B3GALT1: variants seen among roughly 807,000 people sequenced by gnomAD.
B3GALT1 encodes beta-1,3-galactosyltransferase 1.
In B3GALT1, 10 loss-of-function variants were observed where a neutral mutation model predicts 23.2. That is an observed-to-expected ratio of 0.43 (90% CI 0.27 to 0.73). B3GALT1 has a LOEUF of 0.73. B3GALT1 is among the 30% of genes least tolerant of loss of function. The probability of loss-of-function intolerance (pLI) is 0.21; values close to 1 mark genes in which losing one functional copy is unlikely to be tolerated. For missense variants in B3GALT1, 299 were observed against 405.4 expected, an observed-to-expected ratio of 0.74 and a Z score of 2.25; for synonymous variants, 156 against 141.5, an observed-to-expected ratio of 1.10 and a Z score of -0.73.
chr2:167,557,214 CA>C (rs550940849), intron 2 of B3GALT1, among the ~76,000 whole-genome samples: 32 of 151,864 alleles, frequency 2.1e-4, no homozygotes, highest in African/African-American at 7.0e-4. Context: ...GTTGTGTGAT[CA>C]AAGACATTTT....
intron 4 of B3GALT1, among the ~76,000 whole-genome samples, chr2:167,849,237 A>C (rs1689821949): frequency 6.6e-6 from 1 of 152,216 alleles, no homozygotes; most frequent in Non-Finnish European, 1.5e-5. Context: ...CAATTCTAAA[A>C]TTCATATGGA....
chr2:167,454,800 T>TCAAG (rs1699144671), intron 1 of B3GALT1, among the ~76,000 whole-genome samples: 1 of 152,134 alleles, frequency 6.6e-6, no homozygotes, highest in African/African-American at 2.4e-5. Context: ...TATGAGAAAA[T>TCAAG]CAAGGTCAAT....
At chr2:167,831,175 C>T (rs1375887930) in intron 4 of B3GALT1, among the ~76,000 whole-genome samples, 1 of 152,218 alleles carries the variant, frequency 6.6e-6, no homozygotes, top group Non-Finnish European at 1.5e-5. Flanking sequence ...ACTGCTGTCC[C>T]TCTCCTGTCT....
intron 1 of B3GALT1, among the ~76,000 whole-genome samples, chr2:167,371,417 T>C (rs1399293685): frequency 6.6e-6 from 1 of 152,150 alleles, no homozygotes; most frequent in Non-Finnish European, 1.5e-5. Flanking sequence ...AGTAGTAATG[T>C]GATGAAATAG....
chr2:167,678,086 C>T (rs1686459822), intron 3 of B3GALT1, among the ~76,000 whole-genome samples: 1 of 152,094 alleles, frequency 6.6e-6, no homozygotes, highest in South Asian at 2.1e-4. Flanking sequence ...AACCATATCA[C>T]CCCCCTTATC....
chr2:167,642,838 A>G (rs1225991331), intron 2 of B3GALT1, among the ~76,000 whole-genome samples: 1 of 152,178 alleles, frequency 6.6e-6, no homozygotes, highest in Non-Finnish European at 1.5e-5. Flanking sequence ...TATTCCCAGC[A>G]CTTAAAACAT....
intron 1 of B3GALT1, among the ~76,000 whole-genome samples, chr2:167,481,581 C>A (rs748759662): frequency 2.6e-5 from 4 of 152,298 alleles, no homozygotes; most frequent in African/African-American, 9.6e-5. Context: ...AAACATGATT[C>A]ATTTATATAT....
At chr2:167,561,124 C>G (rs1344068347) in intron 2 of B3GALT1, among the ~76,000 whole-genome samples, 1 of 152,198 alleles carries the variant, frequency 6.6e-6, no homozygotes, top group Non-Finnish European at 1.5e-5. Context: ...ACAGTGCTAT[C>G]AAACTAGAGC....
chr2:167,801,327 GA>G (rs1191981003), intron 3 of B3GALT1, among the ~76,000 whole-genome samples: 2 of 151,768 alleles, frequency 1.3e-5, no homozygotes, highest in Admixed American at 6.6e-5. Context: ...GGAGATGGAA[GA>G]AAAAAAATGT....
At chr2:167,528,290 C>CTT (rs939504896) in intron 2 of B3GALT1, among the ~76,000 whole-genome samples, 1 of 152,170 alleles carries the variant, frequency 6.6e-6, no homozygotes, top group Non-Finnish European at 1.5e-5. Context: ...ATGTCAGAGA[C>CTT]TTTGCATTTT....
chr2:167,408,967 G>A (rs949274257), intron 1 of B3GALT1, among the ~76,000 whole-genome samples: 1 of 152,130 alleles, frequency 6.6e-6, no homozygotes, highest in Non-Finnish European at 1.5e-5. Context: ...TACAGATTCA[G>A]TGCATTCTCT....
intron 3 of B3GALT1, among the ~76,000 whole-genome samples, chr2:167,668,531 G>T (rs542065964): frequency 6.6e-6 from 1 of 152,128 alleles, no homozygotes; most frequent in Admixed American, 6.5e-5. Flanking sequence ...GGGCAATGGC[G>T]GGCACCCCTC....
chr2:167,768,499 A>G (rs993868479), intron 3 of B3GALT1, among the ~76,000 whole-genome samples: 1 of 152,216 alleles, frequency 6.6e-6, no homozygotes, highest in African/African-American at 2.4e-5. Context: ...GTTAACTTGC[A>G]TGGCATATCC....
chr2:167,331,339 G>C lies in B3GALT1; in HGVS notation c.-511+38005G>C, dbSNP rs184387056. The stretch of plus-strand genomic sequence containing the variant: ...TCTTGAGCCTCCAGGTGGCTTGCTT[G>C]GGTGCTGGGGATGATGGCAGCAGTG... On this transcript the variant is annotated intron_variant, in intron 1 of 4. Coordinates refer to ENST00000392690, the MANE Select transcript of B3GALT1 (RefSeq NM_020981.4). 2.6e-5 allele frequency among the ~76,000 whole-genome samples: 4 copies of C among 152,282 alleles called. No individual in the cohort carries two copies. In the East Asian group the frequency reaches 7.7e-4, roughly 29 times the overall value.
chr2:167,634,477 A>T (rs188124607), intron 2 of B3GALT1, among the ~76,000 whole-genome samples: 1 of 152,154 alleles, frequency 6.6e-6, no homozygotes, highest in African/African-American at 2.4e-5. Context: ...AAGAAAAGAG[A>T]GAAGAATCAA....
chr2:167,571,124 G>A (rs1401863699), intron 2 of B3GALT1, among the ~76,000 whole-genome samples: 2 of 151,890 alleles, frequency 1.3e-5, no homozygotes, highest in African/African-American at 2.4e-5. Flanking sequence ...AATTCACCAT[G>A]GAGTGAAAGA....
In B3GALT1 at chr2:167,704,288, G is replaced by A. The variant is rs61178573; in HGVS notation, c.-352+57322G>A. Among the ~76,000 whole-genome samples the A allele has an allele frequency of 3.6e-3, 541 of 150,948 alleles. 2 individuals carry two copies. The highest frequency in any genetic ancestry group is 0.012 in the African/African-American group (509 of 41,142). On this transcript the variant is annotated intron_variant, in intron 3 of 4. Transcript: ENST00000392690. ...GTGACAGGCTGTCAAAATATTAGAA[G>A]TATAATGATGTAGTTTTTATTTTTA...
At chr2:167,717,645 A>G (rs1350593431) in intron 3 of B3GALT1, among the ~76,000 whole-genome samples, 2 of 152,224 alleles carry the variant, frequency 1.3e-5, no homozygotes, top group African/African-American at 4.8e-5. Context: ...ATGATATTAG[A>G]AAAACATATC....
chr2:167,834,243 G>GTCT (rs1689411785), intron 4 of B3GALT1, among the ~76,000 whole-genome samples: 1 of 152,210 alleles, frequency 6.6e-6, no homozygotes, highest in Non-Finnish European at 1.5e-5. Context: ...ACATGTAACA[G>GTCT]TCTTCTGTAT....
Sources: gnomAD v4.1 joint callset for allele counts (sites outside exome capture counted in the v4.1 genomes callset) on GRCh38, gnomAD v4.1.1 for gene constraint, MANE v1.5 for transcripts, NCBI Gene and HGNC (gene_info 2026-07-23, HGNC 2026-07-21) for gene names.